The following TRABD2B variants were observed in gnomAD, a reference collection of about 807,000 sequenced individuals.
TRABD2B encodes the protein TraB domain containing 2B, also known as metalloprotease TIKI2.
TRABD2B carries 14 observed loss-of-function variants against 40.1 expected under a neutral mutation model. The ratio of observed to expected loss-of-function variants is 0.35; its 90% CI spans 0.23 to 0.55. The LOEUF (loss-of-function observed/expected upper bound fraction) is 0.55, where lower values mean the gene tolerates loss of function less well. Among genes scored for constraint, TRABD2B ranks in the 20% least tolerant of loss-of-function variants. The pLI is 0.90. For synonymous variants in TRABD2B, 263 were observed against 277.0 expected (o/e 0.95, Z 0.50); for missense variants, 541 against 648.6 (o/e 0.83, Z 1.80).
chr1:47,832,114 C>T (rs550496631), intron 2 of TRABD2B, among the ~76,000 whole-genome samples: 2 of 152,258 alleles, frequency 1.3e-5, no homozygotes, highest in South Asian at 2.1e-4. Flanking sequence ...GCGCGGATCA[C>T]GAGGTCAGGA....
intron 2 of TRABD2B, chr1:47,820,288 T>C (rs1430148583): frequency 6.6e-6 from 1 of 152,232 alleles, no homozygotes; most frequent in Non-Finnish European, 1.5e-5. Context: ...GGCCCTCCTA[T>C]GTAAGTCCAG....
rs536668125 is a variant in TRABD2B at position 47,974,464 on chromosome 1, C to T, written c.666+19570G>A. ...TCTGTCCCCATCCAAACCCCACCCA[C>T]TTGCAGCCTGGTCCCTCTCTAGCCT... On this transcript the variant is annotated intron_variant, in intron 2 of 6. Transcript: ENST00000606738. Among the ~76,000 whole-genome samples, 3 of 152,330 alleles carry T rather than the reference C, an allele frequency of 2.0e-5. No homozygotes were observed. In the South Asian group the frequency reaches 6.2e-4, roughly 32 times the overall value.
In TRABD2B at chr1:47,996,631, C is replaced by A. The variant is rs1031970583; in HGVS notation, c.102+57G>T. On this transcript the variant is annotated intron_variant, in intron 1 of 6. Transcript: ENST00000606738. The surrounding 1 kb of genome is among the most constrained non-coding windows in gnomAD (Gnocchi z 4.6). The stretch of plus-strand genomic sequence containing the variant: ...CGGAAGCAGGACCCAAACCATGGTC[C>A]CACGGGACTAGAATACCCAGGCAGG... 4.7e-5 allele frequency: 57 copies of A among 1,220,514 alleles called. No individual in the cohort carries two copies. The highest frequency in any genetic ancestry group is 5.3e-5 in the Non-Finnish European group (52 of 979,400). The allele number at this position is 1,220,514 out of a possible 1,614,324, so 75.6% of individuals were successfully genotyped here.
intron 1 of TRABD2B, among the ~76,000 whole-genome samples, chr1:47,995,444 A>G (rs891761395): frequency 1.1e-4 from 17 of 151,842 alleles, no homozygotes; most frequent in African/African-American, 3.9e-4. Flanking sequence ...CTGATTTCCA[A>G]CCCCAGTTGT....
chr1:47,797,209 A>C (rs983004702), intron 3 of TRABD2B, among the ~76,000 whole-genome samples: 9 of 152,240 alleles, frequency 5.9e-5, no homozygotes, highest in Non-Finnish European at 1.2e-4. Context: ...GGGGTAACAC[A>C]CATTATTGTA....
rs551468022 is a variant in TRABD2B, at chr1:47,926,686, A to G, written c.666+67348T>C. Among the ~76,000 whole-genome samples the G allele has an allele frequency of 6.6e-5, 10 of 152,152 alleles. No homozygotes were observed. The South Asian group carries it at 2.1e-3, about 32-fold the overall frequency. On this transcript the variant is annotated intron_variant, in intron 2 of 6. Coordinates refer to ENST00000606738, the MANE Select transcript of TRABD2B (RefSeq NM_001194986.2). Reference sequence around the variant, plus strand: ...AGTTGTGGGTACAGAGGGGTTGGAGAGAATGGGGAGGGTTGAGGATAGGGC... The same window carrying G: ...AGTTGTGGGTACAGAGGGGTTGGAGGGAATGGGGAGGGTTGAGGATAGGGC...
rs557050382 is a variant in TRABD2B, at chr1:47,816,428, C to T, written c.667-14809G>A. Among the ~76,000 whole-genome samples, 4 of 152,334 alleles carry T rather than the reference C, an allele frequency of 2.6e-5. No homozygotes were observed. The South Asian group carries it at 8.3e-4, about 32-fold the overall frequency. On this transcript the variant is annotated intron_variant, in intron 2 of 6. Transcript: ENST00000606738. The stretch of plus-strand genomic sequence containing the variant: ...GACCTGTCTGTCTCTCTGGACTCCT[C>T]CTGCTCCCTAACCTCCTTGCTTTGG...
chr1:47,874,970 G>A (rs1373639950), intron 2 of TRABD2B, among the ~76,000 whole-genome samples: 1 of 152,034 alleles, frequency 6.6e-6, no homozygotes, highest in Non-Finnish European at 1.5e-5. Flanking sequence ...TCTGAACCCA[G>A]GAGCTCCTCA....
At chr1:47,821,538 CCT>C (rs1278192752) in intron 2 of TRABD2B, among the ~76,000 whole-genome samples, 2 of 152,146 alleles carry the variant, frequency 1.3e-5, no homozygotes, top group African/African-American at 4.8e-5. Context: ...TGGCAATGCC[CCT>C]GACAGGCAGA....
In TRABD2B at chr1:47,767,162, G is replaced by C. The variant is rs543413061; in HGVS notation, c.1350-1056C>G. On this transcript the variant is annotated intron_variant, in intron 6 of 6. Coordinates refer to ENST00000606738, the MANE Select transcript of TRABD2B (RefSeq NM_001194986.2). ...AGGCTGACAGGAGACCTGTGGACGA[G>C]AGGGACAGGCTCTGGGATAGAGAAA... Among the ~76,000 whole-genome samples the C allele has an allele frequency of 6.6e-5, 10 of 152,336 alleles. No homozygotes were observed. The East Asian group carries it at 7.7e-4, about 12-fold the overall frequency.
intron 2 of TRABD2B, among the ~76,000 whole-genome samples, chr1:47,820,681 C>T (rs989742564): frequency 1.3e-5 from 2 of 152,060 alleles, no homozygotes; most frequent in African/African-American, 4.8e-5. Flanking sequence ...CAAGGGCCCA[C>T]TTTCCCCTGT....
rs887504896 is a variant in TRABD2B at position 47,813,212 on chromosome 1, G to C, written c.667-11593C>G. ...CCTAGAGGGCCCCTCTAATTCCTCT[G>C]GTCTGACCACATAGCAATTACCAAT... is the stretch of plus-strand genomic sequence containing the variant. On this transcript the variant is annotated intron_variant, in intron 2 of 6. Coordinates refer to ENST00000606738, the MANE Select transcript of TRABD2B (RefSeq NM_001194986.2). The surrounding 1 kb of genome is among the most constrained non-coding windows in gnomAD (Gnocchi z 4.3). Among the ~76,000 whole-genome samples the C allele has an allele frequency of 3.3e-5, 5 of 152,102 alleles. No homozygotes were observed. Among genetic ancestry groups the C allele is most frequent in the African/African-American group, 1.2e-4 (5 of 41,404 alleles).
intron 4 of TRABD2B, among the ~76,000 whole-genome samples, chr1:47,783,543 A>G (rs1160843745): frequency 6.6e-6 from 1 of 152,208 alleles, no homozygotes; most frequent in Non-Finnish European, 1.5e-5. Flanking sequence ...AAGGGCCTAA[A>G]GGTGGACTGG....
At chr1:47,921,478 G>A (rs988982397) in intron 2 of TRABD2B, among the ~76,000 whole-genome samples, 16 of 152,126 alleles carry the variant, frequency 1.1e-4, no homozygotes, top group Admixed American at 1.0e-3. Flanking sequence ...TGACAAGAGA[G>A]GAAAAATGAA....
chr1:47,987,361 A>C (rs1645933985), intron 2 of TRABD2B, among the ~76,000 whole-genome samples: 1 of 152,142 alleles, frequency 6.6e-6, no homozygotes, highest in Non-Finnish European at 1.5e-5. Context: ...TGAGTCCCTA[A>C]ATGTCTCTGA....
At position 47,784,469 on chromosome 1, in the gene TRABD2B, C is replaced by T. The variant is rs141220109; in HGVS notation, c.989-5925G>A. Among the ~76,000 whole-genome samples, 342 of 152,202 alleles carry T rather than the reference C, an allele frequency of 2.2e-3. 4 individuals are homozygous for T. Among genetic ancestry groups the T allele is most frequent in the African/African-American group, 7.9e-3 (330 of 41,528 alleles). On this transcript the variant is annotated intron_variant, in intron 4 of 6. Coordinates refer to ENST00000606738, the MANE Select transcript of TRABD2B (RefSeq NM_001194986.2). Reference sequence around the variant, plus strand: ...AGATGTTCCCACAAAGGCTCCAAAGCAGCACTGGCTCCCCCCGATCAGCAC... The same window carrying T: ...AGATGTTCCCACAAAGGCTCCAAAGTAGCACTGGCTCCCCCCGATCAGCAC...
chr1:47,875,639 A>ATCG (rs1420960111), intron 2 of TRABD2B, among the ~76,000 whole-genome samples: 2 of 137,826 alleles, frequency 1.5e-5, no homozygotes, highest in Non-Finnish European at 3.1e-5. Flanking sequence ...GTGAACCATG[A>ATCG]TCGTGCTACT....
intron 2 of TRABD2B, among the ~76,000 whole-genome samples, chr1:47,981,226 T>C (rs969096549): frequency 1.3e-5 from 2 of 151,998 alleles, no homozygotes; most frequent in African/African-American, 2.4e-5. Flanking sequence ...GTTGACCAGA[T>C]TGGTTTCGAA....
intron 2 of TRABD2B, among the ~76,000 whole-genome samples, chr1:47,867,027 C>T (rs763206646): frequency 3.2e-4 from 48 of 152,254 alleles, no homozygotes; most frequent in Admixed American, 2.6e-3. Flanking sequence ...TTCACAGCCA[C>T]CCGCCTGTCT....
Sources: allele counts gnomAD v4.1 joint callset (sites outside exome capture counted in the v4.1 genomes callset), GRCh38; gene constraint gnomAD v4.1.1; non-coding constraint Gnocchi (gnomAD v3.1); transcripts MANE v1.5; gene names NCBI Gene and HGNC (gene_info 2026-07-23, HGNC 2026-07-21).